The following SYN3 variants were observed in gnomAD, a reference collection of about 807,000 sequenced individuals.
The protein encoded by SYN3 is synapsin III, also known as synapsin-3.
A neutral mutation model predicts 65.8 loss-of-function variants in SYN3; 35 were observed. The ratio of observed to expected loss-of-function variants is 0.53; its 90% CI spans 0.41 to 0.70. The LOEUF (loss-of-function observed/expected upper bound fraction) is 0.70. Among genes scored for constraint, SYN3 ranks in the 30% least tolerant of loss-of-function variants. The pLI is 0.00. For synonymous variants in SYN3, 270 were observed against 292.9 expected, an observed-to-expected ratio of 0.92 and a Z score of 0.80; for missense variants, 680 against 749.0, an observed-to-expected ratio of 0.91 and a Z score of 1.08.
intron 6 of SYN3, among the ~76,000 whole-genome samples, chr22:32,799,817 C>A (rs927655848): frequency 2.0e-5 from 3 of 152,306 alleles, no homozygotes; most frequent in East Asian, 1.9e-4. Flanking sequence ...CTATTTGGTT[C>A]TGAGAGGGCT....
intron 10 of SYN3, among the ~76,000 whole-genome samples, chr22:32,531,754 C>A (rs1432628247): frequency 1.3e-5 from 2 of 151,756 alleles, no homozygotes; most frequent in Admixed American, 1.3e-4. Context: ...TCTCCCCTGA[C>A]CCCACTCCAA....
intron 3 of SYN3, among the ~76,000 whole-genome samples, chr22:32,938,060 C>G (rs2050824087): frequency 6.6e-6 from 1 of 151,908 alleles, no homozygotes; most frequent in South Asian, 2.1e-4. Flanking sequence ...AACAGCAGGA[C>G]ATAGAATAAC....
rs114263810 is a variant in SYN3, at chr22:32,510,374, G to A, written c.*3318C>T. Reference sequence around the variant, plus strand: ...GTAACTAGCTCTGCCCATGGCCGTGGCCCACAGGTTGAGAAACTTTGTCCA... The same window carrying A: ...GTAACTAGCTCTGCCCATGGCCGTGACCCACAGGTTGAGAAACTTTGTCCA... On this transcript the variant is annotated 3_prime_UTR_variant, in exon 14 of 14. Transcript: ENST00000358763. Among the ~76,000 whole-genome samples, 2,251 of 152,276 alleles carry A rather than the reference G, an allele frequency of 0.015. 46 individuals carry two copies. Among genetic ancestry groups the A allele is most frequent in the African/African-American group, 0.05 (2,087 of 41,548 alleles).
intron 11 of SYN3, 123 bp downstream of exon 11, chr22:32,528,751 A>G: frequency 1.4e-6 from 2 of 1,393,474 alleles, no homozygotes; most frequent in Non-Finnish European, 1.9e-6. Flanking sequence ...CCACACCCCC[A>G]TTCCTTCTCC....
chr22:32,926,068 T>C (rs2050462097), intron 4 of SYN3, among the ~76,000 whole-genome samples: 1 of 152,104 alleles, frequency 6.6e-6, no homozygotes, highest in Non-Finnish European at 1.5e-5. Flanking sequence ...CCCAGGCTTG[T>C]CTCAAACTCC....
intron 4 of SYN3, among the ~76,000 whole-genome samples, chr22:32,871,957 T>G (rs1048697227): frequency 6.6e-6 from 1 of 151,956 alleles, no homozygotes; most frequent in Admixed American, 6.6e-5. Context: ...CTTTCTCGCC[T>G]CCCTCACTGC....
intron 3 of SYN3, among the ~76,000 whole-genome samples, chr22:32,975,794 C>A (rs921341206): frequency 3.3e-5 from 5 of 152,210 alleles, no homozygotes; most frequent in Non-Finnish European, 4.4e-5. Context: ...TTTTGGCAAG[C>A]CATTAGATTT....
chr22:32,521,552 T>G (rs1375288948), intron 12 of SYN3, among the ~76,000 whole-genome samples: 1 of 150,196 alleles, frequency 6.7e-6, no homozygotes, highest in African/African-American at 2.5e-5. Context: ...GGTTAAGAGA[T>G]TCTCCTGCCT....
intron 3 of SYN3, among the ~76,000 whole-genome samples, chr22:32,946,255 C>A (rs1307816248): frequency 3.3e-5 from 5 of 152,028 alleles, no homozygotes; most frequent in Non-Finnish European, 5.9e-5. Flanking sequence ...ATGTTTATTG[C>A]GGCACTATTC....
At chr22:32,943,279 G>T (rs1249149178) in intron 3 of SYN3, among the ~76,000 whole-genome samples, 2 of 152,212 alleles carry the variant, frequency 1.3e-5, no homozygotes, top group African/African-American at 4.8e-5. Flanking sequence ...AGAAGAGAGT[G>T]AGGGCCAATA....
intron 8 of SYN3, among the ~76,000 whole-genome samples, chr22:32,539,967 C>G (rs1021921550): frequency 6.6e-6 from 1 of 152,170 alleles, no homozygotes; most frequent in Non-Finnish European, 1.5e-5. Flanking sequence ...CATCTGAGAG[C>G]AGTGGCAGGT....
At position 32,665,593 on chromosome 22, in the gene SYN3, G is replaced by A. The variant is rs918886028; in HGVS notation, c.712-68857C>T. 4.6e-5 allele frequency among the ~76,000 whole-genome samples: 7 copies of A among 151,610 alleles called. No homozygotes were observed. The South Asian group carries it at 8.4e-4, about 18-fold the overall frequency. ...GCTGGTTCCATATTTTTGCAATCGCGAATTTTTAGCAGCAGAATTTAATCA... is the reference window on the plus strand; with the variant it reads ...GCTGGTTCCATATTTTTGCAATCGCAAATTTTTAGCAGCAGAATTTAATCA... On this transcript the variant is annotated intron_variant, in intron 6 of 13. Coordinates refer to ENST00000358763, the MANE Select transcript of SYN3 (RefSeq NM_003490.4).
intron 7 of SYN3, among the ~76,000 whole-genome samples, chr22:32,592,712 G>C (rs955666158): frequency 6.6e-6 from 1 of 152,100 alleles, no homozygotes; most frequent in Non-Finnish European, 1.5e-5. Flanking sequence ...CTCCTAGGAT[G>C]CCTTTTCCAA....
Position 32,636,005 on chromosome 22 carries a change from G to A in SYN3, c.712-39269C>T, listed in dbSNP as rs192254211. On this transcript the variant is annotated intron_variant, in intron 6 of 13. Coordinates refer to ENST00000358763, the MANE Select transcript of SYN3 (RefSeq NM_003490.4). ...TACGTATTTTTTCCCTTAAGGTATC[G>A]ATGTAGAAGGAATCTGACATTTTTG... Among the ~76,000 whole-genome samples the A allele has an allele frequency of 1.1e-4, 16 of 152,188 alleles. No homozygotes were observed. In the East Asian group the frequency reaches 2.9e-3, roughly 28 times the overall value.
rs575268536 is a variant in SYN3 at position 32,538,712 on chromosome 22, T to C, written c.918-602A>G. Among the ~76,000 whole-genome samples, 8 of 99,800 alleles carry C rather than the reference T, an allele frequency of 8.0e-5. No homozygotes were observed. The East Asian group carries it at 4.0e-3, about 49-fold the overall frequency. 65.5% of individuals were successfully genotyped at this position (99,800 alleles called of 152,430 possible). A position where few individuals can be genotyped will look rare whatever the true frequency, so the allele number is the denominator to read the frequency against. On this transcript the variant is annotated intron_variant, in intron 8 of 13. Coordinates refer to ENST00000358763, the MANE Select transcript of SYN3 (RefSeq NM_003490.4). ...GTCTTTGTCTCCATCTTTGCCTCCC[T>C]AAGTCCTGCTCATCCTTCAGGTTTC...
intron 3 of SYN3, among the ~76,000 whole-genome samples, chr22:32,945,422 C>G (rs557056959): frequency 2.0e-5 from 3 of 151,976 alleles, no homozygotes; most frequent in Non-Finnish European, 4.4e-5. Context: ...ACAAACCTGA[C>G]AAAAACAAGA....
intron 3 of SYN3, among the ~76,000 whole-genome samples, chr22:32,979,650 AAAG>A (rs2052314020): frequency 6.6e-6 from 1 of 152,188 alleles, no homozygotes; most frequent in Non-Finnish European, 1.5e-5. Flanking sequence ...GGAAGAGGAT[AAAG>A]AATAATGATG....
At chr22:32,750,089 G>A (rs1448800727) in intron 6 of SYN3, among the ~76,000 whole-genome samples, 1 of 152,038 alleles carries the variant, frequency 6.6e-6, no homozygotes, top group Non-Finnish European at 1.5e-5. Flanking sequence ...CTAGGTGCTA[G>A]AGACACGGTG....
chr22:32,758,646 AC>A (rs1433193190), intron 6 of SYN3, among the ~76,000 whole-genome samples: 1 of 124,804 alleles, frequency 8.0e-6, no homozygotes. Context: ...CTATTGTGGG[AC>A]CTTGTGATTG....
Sources: allele counts gnomAD v4.1 joint callset (sites outside exome capture counted in the v4.1 genomes callset), GRCh38; gene constraint gnomAD v4.1.1; transcripts MANE v1.5; gene names NCBI Gene and HGNC (gene_info 2026-07-23, HGNC 2026-07-21).